PSD3: variants seen among roughly 807,000 people sequenced by gnomAD.
The protein encoded by PSD3 is pleckstrin and Sec7 domain containing 3, also known as PH and SEC7 domain-containing protein 3.
PSD3 carries 49 observed loss-of-function variants against 105.5 expected under a neutral mutation model. The observed-to-expected ratio is 0.46, with a 90% confidence interval of 0.37 to 0.59. PSD3 has a LOEUF of 0.59. Among genes scored for constraint, PSD3 ranks in the 20% least tolerant of loss-of-function variants. The probability of loss-of-function intolerance (pLI) is 0.00; values close to 1 mark genes in which losing one functional copy is unlikely to be tolerated. For synonymous variants in PSD3, 557 were observed against 457.8 expected (o/e 1.22, Z -2.77); for missense variants, 1,561 against 1,263.8 (o/e 1.24, Z -3.57).
intron 9 of PSD3, among the ~76,000 whole-genome samples, chr8:18,734,618 C>A (rs1414911253): frequency 6.6e-6 from 1 of 152,116 alleles, no homozygotes; most frequent in Non-Finnish European, 1.5e-5. Flanking sequence ...CAAATAAAGT[C>A]CCCGCCCTTA....
intron 8 of PSD3, among the ~76,000 whole-genome samples, chr8:18,785,909 C>G (rs1188291494): frequency 6.6e-6 from 1 of 152,148 alleles, no homozygotes; most frequent in East Asian, 1.9e-4. Context: ...AGTCTGCTGT[C>G]TTATATGGGA....
rs367921030 is a variant in PSD3 at position 18,648,952 on chromosome 8, G to A, written c.2216+6690C>T. ...AGAATGCAAGAGTTAAGGCTTCGGA[G>A]CCTTTGCCTAGATGTCAGAGAATGT... On this transcript the variant is annotated intron_variant, in intron 10 of 15. Transcript: ENST00000327040. 2.7e-3 allele frequency among the ~76,000 whole-genome samples: 413 copies of A among 152,376 alleles called. 3 individuals are homozygous for A. Among genetic ancestry groups the A allele is most frequent in the African/African-American group, 9.6e-3 (400 of 41,594 alleles).
At chr8:18,562,716 C>A (rs1801469811) in intron 14 of PSD3, among the ~76,000 whole-genome samples, 1 of 152,026 alleles carries the variant, frequency 6.6e-6, no homozygotes, top group African/African-American at 2.4e-5. Context: ...TGGTGAAACC[C>A]CGTTTCTACT....
intron 2 of PSD3, among the ~76,000 whole-genome samples, chr8:18,907,193 T>A (rs1486909426): frequency 6.6e-6 from 1 of 152,218 alleles, no homozygotes; most frequent in African/African-American, 2.4e-5. Context: ...TGATTGTTCA[T>A]AAAGTCTACA....
chr8:18,826,343 T>C (rs1186268325), intron 4 of PSD3, among the ~76,000 whole-genome samples: 2 of 152,204 alleles, frequency 1.3e-5, no homozygotes, highest in African/African-American at 4.8e-5. Flanking sequence ...ATAGCACCTA[T>C]TGATTCAATT....
intron 1 of PSD3, among the ~76,000 whole-genome samples, chr8:19,032,997 C>T (rs1011203385): frequency 2.6e-5 from 4 of 152,022 alleles, no homozygotes; most frequent in Admixed American, 2.0e-4. Context: ...CCTATAATCC[C>T]TACTTGGGAA....
At chr8:18,912,399 G>A (rs1820285387) in intron 2 of PSD3, among the ~76,000 whole-genome samples, 1 of 152,122 alleles carries the variant, frequency 6.6e-6, no homozygotes, top group African/African-American at 2.4e-5. Flanking sequence ...GGGCAGTGTT[G>A]TCTAACTATT....
rs1799629490 is a variant in PSD3, at chr8:18,531,487, A to C, written c.*4256T>G. ...GACAAAGCCCCTCTCTATTGCTATC[A>C]ATAATCTATCACGGGGTTATTCTGT... On this transcript the variant is annotated 3_prime_UTR_variant, in exon 16 of 16. Transcript: ENST00000327040. 1 of 152,234 alleles carries C rather than the reference A, an allele frequency of 6.6e-6. No individual in the cohort carries two copies. Among genetic ancestry groups the C allele is most frequent in the African/African-American group, 2.4e-5 (1 of 41,458 alleles). 9.4% of individuals were successfully genotyped at this position (152,234 alleles called of 1,614,324 possible). A position where few individuals can be genotyped will look rare whatever the true frequency, so the allele number is the denominator to read the frequency against.
Position 18,871,944 on chromosome 8 carries a change from A to G in PSD3, c.920T>C (p.Leu307Pro). Residue 307 changes from leucine (L) to proline (P), a missense_variant, in exon 3 of 16, where the codon CTG (leucine) becomes CCG (proline). Leu to Pro is a moderately conservative substitution (Grantham distance 98). Transcript: ENST00000327040. Reference sequence around the variant, plus strand: ...CTCTCTCTTGTCTCCTCCTGTCCACAGTATTTCCACTCCTTGAAATTCCAC... The same window carrying G: ...CTCTCTCTTGTCTCCTCCTGTCCACGGTATTTCCACTCCTTGAAATTCCAC... ...KHVEFQGVEI[L>P]WTGGDKRETQ... 6.2e-7 allele frequency: 1 copy of G among 1,614,182 alleles called. No individual in the cohort carries two copies. The highest frequency in any genetic ancestry group is 8.5e-7 in the Non-Finnish European group (1 of 1,180,012).
intron 1 of PSD3, among the ~76,000 whole-genome samples, chr8:19,078,718 TCTC>T (rs1314609996): frequency 6.6e-6 from 1 of 151,664 alleles, no homozygotes; most frequent in Non-Finnish European, 1.5e-5. Context: ...GAGCAAAAAG[TCTC>T]CTCCCAGGGA....
At chr8:18,774,933 C>T (rs148387613) in intron 8 of PSD3, 30 of 456,202 alleles carry the variant, frequency 6.6e-5, no homozygotes, top group African/African-American at 4.6e-4. Flanking sequence ...GCAAAAGCCA[C>T]CACCGCTGCC....
At chr8:18,961,544 G>C (rs4567078) in intron 1 of PSD3, among the ~76,000 whole-genome samples, 28,177 of 152,026 alleles carry the variant, frequency 0.19, 2,953 homozygotes, top group Non-Finnish European at 0.23. Flanking sequence ...AGAAAAATTA[G>C]CTGGGCATGG....
chr8:19,052,845 C>T (rs1828580638), intron 1 of PSD3, among the ~76,000 whole-genome samples: 1 of 151,990 alleles, frequency 6.6e-6, no homozygotes, highest in African/African-American at 2.4e-5. Context: ...TGGGGAGGGA[C>T]AGGTGCTTGG....
At chr8:19,004,885 A>G (rs7008752) in intron 1 of PSD3, among the ~76,000 whole-genome samples, 4,307 of 152,082 alleles carry the variant, frequency 0.028, 214 homozygotes, top group African/African-American at 0.099. Flanking sequence ...GCTGCCATAC[A>G]TGTAAGACAT....
At chr8:18,680,034 C>T (rs1563166389) in intron 9 of PSD3, among the ~76,000 whole-genome samples, 2 of 152,186 alleles carry the variant, frequency 1.3e-5, no homozygotes, top group Non-Finnish European at 2.9e-5. Context: ...GATTCCGCCT[C>T]ATTTAAACGG....
At chr8:19,084,158 C>T (rs1041799822) in intron 1 of PSD3, 3 of 403,956 alleles carry the variant, frequency 7.4e-6, no homozygotes, top group Admixed American at 2.7e-5. Flanking sequence ...CACGTCTGTC[C>T]CCTGGCTCCC....
intron 12 of PSD3, among the ~76,000 whole-genome samples, chr8:18,588,005 C>G (rs1803322853): frequency 6.6e-6 from 1 of 152,186 alleles, no homozygotes; most frequent in African/African-American, 2.4e-5. Context: ...AGGATGCACA[C>G]ATCACCAGGA....
At chr8:18,824,852 C>A (rs1207258672) in intron 4 of PSD3, among the ~76,000 whole-genome samples, 1 of 152,098 alleles carries the variant, frequency 6.6e-6, no homozygotes, top group East Asian at 1.9e-4. Context: ...AGGGCATACA[C>A]GAGTCCAGCA....
intron 4 of PSD3, among the ~76,000 whole-genome samples, chr8:18,816,053 T>A (rs932362966): frequency 3.9e-5 from 6 of 152,238 alleles, no homozygotes; most frequent in Non-Finnish European, 1.5e-5. Flanking sequence ...CTTTAAAATA[T>A]TCCAGCTCCC....
Sources: gnomAD v4.1 joint callset for allele counts (sites outside exome capture counted in the v4.1 genomes callset) on GRCh38, gnomAD v4.1.1 for gene constraint, MANE v1.5 for transcripts, NCBI Gene and HGNC (gene_info 2026-07-23, HGNC 2026-07-21) for gene names.